EHMT1: variants seen among roughly 807,000 people sequenced by gnomAD.
EHMT1 encodes histone-lysine N-methyltransferase EHMT1.
A neutral mutation model predicts 147.2 loss-of-function variants in EHMT1; 15 were observed. The ratio of observed to expected loss-of-function variants is 0.10; its 90% confidence interval spans 0.07 to 0.16. The LOEUF (loss-of-function observed/expected upper bound fraction) is 0.16, where lower values mean the gene tolerates loss of function less well. Ranked by LOEUF, EHMT1 falls within the 10% of genes least tolerant of loss-of-function variation. The pLI is 1.00. For synonymous variants in EHMT1, 795 were observed against 709.6 expected (o/e 1.12, Z -1.91); for missense variants, 1,587 against 1,772.4 (o/e 0.90, Z 1.88).
At chr9:137,802,854 T>C in intron 18 of EHMT1, 1 of 1,231,978 alleles carries the variant, frequency 8.1e-7, no homozygotes, top group Non-Finnish European at 1.0e-6. Context: ...CACTGCGGGT[T>C]AGGATGACGG....
chr9:137,808,023 G>A (rs772396828), intron 18 of EHMT1, among the ~76,000 whole-genome samples: 4 of 152,186 alleles, frequency 2.6e-5, no homozygotes, highest in Non-Finnish European at 5.9e-5. Flanking sequence ...ACTTTGTTCT[G>A]GAACTCAGTC....
intron 18 of EHMT1, among the ~76,000 whole-genome samples, chr9:137,807,503 T>G (rs1393767260): frequency 6.6e-6 from 1 of 151,780 alleles, no homozygotes; most frequent in Admixed American, 6.6e-5. Context: ...ATTTATTTAT[T>G]TATTTATTTA....
rs1461751574 is a variant in EHMT1, at chr9:137,834,976, C to A, written c.*23C>A. The A allele has an allele frequency of 1.4e-6, 2 of 1,388,046 alleles. No individual in the cohort carries two copies. The highest frequency in any genetic ancestry group is 3.1e-5 in the African/African-American group (2 of 64,950). 86.0% of individuals were successfully genotyped at this position (1,388,046 alleles called of 1,614,324 possible). A position where few individuals can be genotyped will look rare whatever the true frequency, so the allele number is the denominator to read the frequency against. ...TGAGACGCCGCCGGCCAGCGGGGCG[C>A]TCGGGAGCCAGGGACCGCCGCGTCG... On this transcript the variant is annotated 3_prime_UTR_variant, in exon 27 of 27. Transcript: ENST00000460843.
chr9:137,649,324 G>T (rs1845135464), intron 1 of EHMT1, among the ~76,000 whole-genome samples: 1 of 152,134 alleles, frequency 6.6e-6, no homozygotes, highest in Non-Finnish European at 1.5e-5. Flanking sequence ...GTCGGATGTG[G>T]TGACGGGTGC....
chr9:137,679,381 C>G (rs766837521), intron 1 of EHMT1, among the ~76,000 whole-genome samples: 2 of 152,114 alleles, frequency 1.3e-5, no homozygotes, highest in Admixed American at 6.6e-5. Flanking sequence ...TTCAAGCAGC[C>G]TTGCACCTGG....
At chr9:137,626,600 T>A (rs997308204) in intron 1 of EHMT1, among the ~76,000 whole-genome samples, 2 of 152,072 alleles carry the variant, frequency 1.3e-5, no homozygotes, top group African/African-American at 4.8e-5. Flanking sequence ...CTTTGCTGTC[T>A]TATCTCTTAG....
chr9:137,678,357 G>A (rs1412006050), intron 1 of EHMT1, among the ~76,000 whole-genome samples: 1 of 152,112 alleles, frequency 6.6e-6, no homozygotes, highest in Admixed American at 6.5e-5. Flanking sequence ...TCACCATAAC[G>A]CTGCTGAGTA....
intron 25 of EHMT1, among the ~76,000 whole-genome samples, chr9:137,823,100 GTTT>G (rs56014052): frequency 1.8e-5 from 2 of 111,162 alleles, no homozygotes; most frequent in Non-Finnish European, 3.5e-5. Flanking sequence ...CTGGCTAATT[GTTT>G]TTTTTTTTTT....
chr9:137,621,244 G>C (rs530334677), intron 1 of EHMT1, among the ~76,000 whole-genome samples: 2 of 152,332 alleles, frequency 1.3e-5, no homozygotes, highest in South Asian at 4.1e-4. Context: ...CTGGACAGTA[G>C]GTAGGCATGT....
At chr9:137,766,433 G>A (rs1950222577) in intron 10 of EHMT1, among the ~76,000 whole-genome samples, 1 of 152,138 alleles carries the variant, frequency 6.6e-6, no homozygotes, top group Admixed American at 6.5e-5. Flanking sequence ...TGGCCAACAT[G>A]GGGAAACACC....
At chr9:137,754,313 G>A (rs747943817) in intron 8 of EHMT1, 22 bp downstream of exon 8, 1 of 1,613,372 alleles carries the variant, frequency 6.2e-7, no homozygotes, top group African/African-American at 1.3e-5. Flanking sequence ...GGGGGTGTGG[G>A]CCATCACGGG....
At chr9:137,647,927 C>T (rs1845027314) in intron 1 of EHMT1, among the ~76,000 whole-genome samples, 1 of 152,102 alleles carries the variant, frequency 6.6e-6, no homozygotes, top group South Asian at 2.1e-4. Context: ...TCGCTCTCTC[C>T]TGCTTTCTTT....
rs535359086 is a variant in EHMT1, at chr9:137,708,238, C to A, written c.22-2729C>A. ...AGAGTCAGCTGGATTTGCAGATTGGCTTCTGCACCCAGCCTGAGGTGATAC... is the reference window on the plus strand; with the variant it reads ...AGAGTCAGCTGGATTTGCAGATTGGATTCTGCACCCAGCCTGAGGTGATAC... On this transcript the variant is annotated intron_variant, in intron 1 of 26. Coordinates refer to ENST00000460843, the MANE Select transcript of EHMT1 (RefSeq NM_024757.5). Among the ~76,000 whole-genome samples, 3 of 152,328 alleles carry A rather than the reference C, an allele frequency of 2.0e-5. No individual in the cohort carries two copies. In the East Asian group the frequency reaches 5.8e-4, roughly 29 times the overall value.
chr9:137,811,372 G>A (rs949054138), intron 18 of EHMT1, 89 bp from the exon 19 acceptor site: 19 of 1,585,104 alleles, frequency 1.2e-5, no homozygotes, highest in South Asian at 8.9e-5. Flanking sequence ...GCCTCTCCCC[G>A]GGCACATGGG....
chr9:137,649,805 G>C (rs1017707728), intron 1 of EHMT1, among the ~76,000 whole-genome samples: 2 of 152,134 alleles, frequency 1.3e-5, no homozygotes, highest in African/African-American at 4.8e-5. Context: ...GCCAGCAGCC[G>C]GATTTCACAC....
Position 137,834,403 on chromosome 9 carries a change from A to G in EHMT1, c.3595A>G (p.Ile1199Val), listed in dbSNP as rs2133152660. Residue 1199 changes from isoleucine (I) to valine (V), a missense_variant, in exon 26 of 27, where the codon ATC (isoleucine) becomes GTC (valine). By Grantham distance (29) the Ile-to-Val change is conservative. Around this residue, in one of 7 missense-constraint regions of EHMT1, gnomAD observed 141 missense variants for 150.8 expected, o/e 0.94. Transcript: ENST00000460843. Reference sequence around the variant, plus strand: ...GTTCTACGGGAACGTCAGCCGGTTCATCAACCACCACTGCGAGCCCAACCT... The same window carrying G: ...GTTCTACGGGAACGTCAGCCGGTTCGTCAACCACCACTGCGAGCCCAACCT... The part of the protein sequence containing the change: ...ARFYGNVSRF[I>V]NHHCEPNLVP... 1.2e-6 allele frequency: 2 copies of G among 1,613,284 alleles called. No individual in the cohort carries two copies. Among genetic ancestry groups the G allele is most frequent in the African/African-American group, 2.7e-5 (2 of 75,042 alleles).
intron 1 of EHMT1, among the ~76,000 whole-genome samples, chr9:137,710,009 G>T (rs1467812525): frequency 6.6e-6 from 1 of 152,144 alleles, no homozygotes; most frequent in Non-Finnish European, 1.5e-5. Flanking sequence ...CCAGCTGTGG[G>T]TGGGGCATTT....
chr9:137,643,556 G>A (rs966161328), intron 1 of EHMT1, among the ~76,000 whole-genome samples: 1 of 151,888 alleles, frequency 6.6e-6, no homozygotes, highest in South Asian at 2.1e-4. Context: ...CACCGTGTTA[G>A]CCAAGATGGT....
At chr9:137,802,721 C>T in intron 18 of EHMT1, 1 of 975,848 alleles carries the variant, frequency 1.0e-6, no homozygotes. Flanking sequence ...CCGCTGCCTC[C>T]CTGCAGGCAC....
Sources: allele counts gnomAD v4.1 joint callset (sites outside exome capture counted in the v4.1 genomes callset), GRCh38; gene constraint gnomAD v4.1.1; regional missense constraint gnomAD v4.1.1; transcripts MANE v1.5; gene names NCBI Gene and HGNC (gene_info 2026-07-23, HGNC 2026-07-21).